Variants in ROS1 observed in about 807,000 individuals in gnomAD.
ROS1 encodes proto-oncogene tyrosine-protein kinase ROS.
A neutral mutation model predicts 273.5 loss-of-function variants in ROS1; 263 were observed. That is an observed-to-expected ratio of 0.96 (90% confidence interval 0.87 to 1.06). The LOEUF (loss-of-function observed/expected upper bound fraction) is 1.06, where lower values mean the gene tolerates loss of function less well. ROS1 is among the 50% of genes least tolerant of loss of function. The pLI is 0.00. For missense variants in ROS1, 2,833 were observed against 2,751.1 expected, an observed-to-expected ratio of 1.03 and a Z score of -0.67; for synonymous variants, 1,008 against 954.1, an observed-to-expected ratio of 1.06 and a Z score of -1.04.
In ROS1 at chr6:117,300,202, C is replaced by T. The variant is rs182165774; in HGVS notation, c.6715+772G>A. On this transcript the variant is annotated intron_variant, in intron 43 of 43. Transcript: ENST00000368507. Reference sequence around the variant, plus strand: ...TCCTGACCTCATGATCCGCCCGCCTCGGCCTCCCAAACTGCTGGGATTACA... The same window carrying T: ...TCCTGACCTCATGATCCGCCCGCCTTGGCCTCCCAAACTGCTGGGATTACA... 3.0e-3 allele frequency among the ~76,000 whole-genome samples: 447 copies of T among 150,146 alleles called. 1 individual carries two copies. The highest frequency in any genetic ancestry group is 4.4e-3 in the Non-Finnish European group (299 of 67,696).
intron 10 of ROS1, 93 bp downstream of exon 10, chr6:117,394,523 C>G (rs1159223265): frequency 9.1e-7 from 1 of 1,093,872 alleles, no homozygotes; most frequent in African/African-American, 1.6e-5. Context: ...GAATATGTTC[C>G]AGAAATATTC....
In ROS1 at chr6:117,341,563, T is replaced by A. The variant is rs763067644; in HGVS notation, c.4721A>T (p.Glu1574Val). 2.5e-6 allele frequency: 4 copies of A among 1,613,814 alleles called. No individual in the cohort carries two copies. The highest frequency in any genetic ancestry group is 3.4e-6 in the Non-Finnish European group (4 of 1,179,800). ...TTTAGGTCCATTTGGCTTGTGAGATTCTCTCCAAGATATAATGAGGCTGGT... is the reference window on the plus strand; with the variant it reads ...TTTAGGTCCATTTGGCTTGTGAGATACTCTCCAAGATATAATGAGGCTGGT... The part of the protein sequence containing the change: ...SDTSLIISWR[E>V]SHKPNGPKES... The change falls in exon 30 of 44, where the codon GAA (glutamate) becomes GTA (valine). Residue 1574 changes from glutamate to valine, a missense_variant. Glu to Val is a moderately radical substitution (Grantham distance 121). Transcript: ENST00000368507.
chr6:117,416,158 C>A, intron 3 of ROS1, 100 bp downstream of exon 3: 3 of 748,228 alleles, frequency 4.0e-6, no homozygotes, highest in Non-Finnish European at 4.8e-6. Flanking sequence ...GTCAAGCAAA[C>A]TAGTTGAAAG....
chr6:117,334,023 G>C (rs902107440), intron 32 of ROS1, among the ~76,000 whole-genome samples: 15 of 152,022 alleles, frequency 9.9e-5, no homozygotes, highest in African/African-American at 2.4e-4. Flanking sequence ...AGAAATAAAG[G>C]GTATTCAAAT....
chr6:117,292,933 T>C (rs751205215), intron 43 of ROS1, among the ~76,000 whole-genome samples: 7 of 152,240 alleles, frequency 4.6e-5, no homozygotes, highest in Non-Finnish European at 1.0e-4. Flanking sequence ...TTTTGATTAG[T>C]GTGACCAATA....
rs1368165244 is a variant in ROS1 at position 117,308,966 on chromosome 6, T to C, written c.6417-38A>G. ...GAGGGTTTGCTTTAATTATACTTATTACAAACACCAGGTTTACAGTAGTTT... is the reference window on the plus strand; with the variant it reads ...GAGGGTTTGCTTTAATTATACTTATCACAAACACCAGGTTTACAGTAGTTT... On this transcript the variant is annotated intron_variant, in intron 41 of 43. Coordinates refer to ENST00000368507, the MANE Select transcript of ROS1 (RefSeq NM_001378902.1). 4 of 1,591,342 alleles carry C rather than the reference T, an allele frequency of 2.5e-6. No individual in the cohort carries two copies. The Admixed American group carries it at 5.2e-5, about 20-fold the overall frequency.
At chr6:117,336,318 T>C (rs953866815) in intron 32 of ROS1, among the ~76,000 whole-genome samples, 2 of 151,674 alleles carry the variant, frequency 1.3e-5, no homozygotes, top group African/African-American at 4.8e-5. Flanking sequence ...ATACTCTCTA[T>C]CCCCCCACCC....
rs1281863309 is a variant in ROS1 at position 117,324,373 on chromosome 6, A to G, written c.5582T>C (p.Ile1861Thr). The G allele has an allele frequency of 3.3e-6, 5 of 1,527,848 alleles. No individual in the cohort carries two copies. Among genetic ancestry groups the G allele is most frequent in the Non-Finnish European group, 4.5e-6 (5 of 1,109,778 alleles). 94.6% of individuals were successfully genotyped at this position (1,527,848 alleles called of 1,614,324 possible). ...TGTAACAACCAGAAATATTCCAACT[A>G]TAATAGTAAGTATGAAACTTGTTTC... The part of the protein sequence containing the change: ...IPETSFILTI[I>T]VGIFLVVTIP... The change falls in exon 35 of 44, where the codon ATA becomes ACA. Residue 1861 changes from isoleucine (I) to threonine (T), a missense_variant. Transcript: ENST00000368507.
chr6:117,318,567 T>C (rs1374572177), intron 37 of ROS1, among the ~76,000 whole-genome samples: 2 of 152,166 alleles, frequency 1.3e-5, no homozygotes, highest in African/African-American at 4.8e-5. Context: ...CAATATGTTT[T>C]CTCCATCTCC....
chr6:117,411,175 A>G (rs116351788), intron 4 of ROS1, among the ~76,000 whole-genome samples: 125 of 152,124 alleles, frequency 8.2e-4, no homozygotes, highest in Middle Eastern at 3.4e-3. Flanking sequence ...TTTAAAAGTT[A>G]TCTCAAGTGG....
chr6:117,380,313 C>T (rs59254644), intron 17 of ROS1, among the ~76,000 whole-genome samples: 1 of 152,020 alleles, frequency 6.6e-6, no homozygotes, highest in Admixed American at 6.6e-5. Context: ...AGTTATCCTG[C>T]TACAAAGAAA....
At chr6:117,376,105 C>G (rs1264312966) in intron 18 of ROS1, among the ~76,000 whole-genome samples, 3 of 151,732 alleles carry the variant, frequency 2.0e-5, no homozygotes, top group Non-Finnish European at 4.4e-5. Context: ...ATGCCAGAAA[C>G]AGATTATTTG....
At chr6:117,377,109 AATTATT>A (rs955726815) in intron 18 of ROS1, among the ~76,000 whole-genome samples, 1 of 152,006 alleles carries the variant, frequency 6.6e-6, no homozygotes, top group Non-Finnish European at 1.5e-5. Context: ...TACACAGTCA[AATTATT>A]ATTATTATTA....
At chr6:117,415,334 C>T (rs1319914379) in intron 3 of ROS1, among the ~76,000 whole-genome samples, 2 of 152,132 alleles carry the variant, frequency 1.3e-5, no homozygotes, top group African/African-American at 4.8e-5. Flanking sequence ...TATGAATATA[C>T]TCTAAAAACT....
At chr6:117,291,428 GGTC>G (rs1773830570) in intron 43 of ROS1, among the ~76,000 whole-genome samples, 1 of 152,156 alleles carries the variant, frequency 6.6e-6, no homozygotes, top group Non-Finnish European at 1.5e-5. Context: ...TTTTCTAGCA[GGTC>G]ATAAGTAATC....
intron 7 of ROS1, 64 bp from the exon 8 acceptor site, chr6:117,397,180 G>T (rs1336025487): frequency 2.7e-6 from 3 of 1,099,852 alleles, no homozygotes; most frequent in East Asian, 4.9e-5. Context: ...TTTAAAATAA[G>T]ATGGAAAAAA....
intron 35 of ROS1, among the ~76,000 whole-genome samples, chr6:117,322,745 T>C (rs550695372): frequency 6.6e-6 from 1 of 152,302 alleles, no homozygotes; most frequent in South Asian, 2.1e-4. Flanking sequence ...TCTTTTCTCA[T>C]GCACACACAC....
At chr6:117,377,597 G>A (rs1273863015) in intron 18 of ROS1, among the ~76,000 whole-genome samples, 2 of 151,744 alleles carry the variant, frequency 1.3e-5, no homozygotes, top group Non-Finnish European at 2.9e-5. Flanking sequence ...AAGCTAAAAC[G>A]ATAAAGCTTC....
chr6:117,389,412 A>G lies in ROS1; in HGVS notation c.1724T>C (p.Val575Ala). 1 of 1,614,184 alleles carries G rather than the reference A, an allele frequency of 6.2e-7. No homozygotes were observed. Among genetic ancestry groups the G allele is most frequent in the Middle Eastern group, 1.6e-4 (1 of 6,062 alleles). Residue 575 changes from valine (V) to alanine (A), a missense_variant, in exon 13 of 44, where the codon GTG becomes GCG. Physicochemically the swap from Val to Ala is moderately conservative, Grantham distance 64. Coordinates refer to ENST00000368507, the MANE Select transcript of ROS1 (RefSeq NM_001378902.1). ...PLPGRPQELS[V>A]LFGSHQALVQ... ...AAGAGCCTGGTGAGAGCCAAACAGC[A>G]CCGAAAGCTCCTGCGGGCGGCCTGG...
Sources: allele counts gnomAD v4.1 joint callset (sites outside exome capture counted in the v4.1 genomes callset), GRCh38; gene constraint gnomAD v4.1.1; transcripts MANE v1.5; gene names NCBI Gene and HGNC (gene_info 2026-07-23, HGNC 2026-07-21).